Variants in SH3BGR observed in about 807,000 individuals in gnomAD.
The protein encoded by SH3BGR is SH3 domain binding glutamate rich protein, also known as SH3 domain-binding glutamic acid-rich protein.
SH3BGR carries 29 observed loss-of-function variants against 24.5 expected under a neutral mutation model. That is an observed-to-expected ratio of 1.18 (90% confidence interval 0.88 to 1.61). The LOEUF is 1.61. SH3BGR is among the 40% of genes most tolerant of loss of function. SH3BGR has a pLI of 0.00. For missense variants in SH3BGR, 162 were observed against 205.8 expected (o/e 0.79, Z 1.30); for synonymous variants, 55 against 65.7 (o/e 0.84, Z 0.79).
At chr21:39,473,928 CT>C (rs2077985446) in intron 2 of SH3BGR, among the ~76,000 whole-genome samples, 1 of 151,376 alleles carries the variant, frequency 6.6e-6, no homozygotes, top group South Asian at 2.1e-4. Flanking sequence ...ATACATAATA[CT>C]TTTTTCTCAA....
upstream of SH3BGR, among the ~76,000 whole-genome samples, chr21:39,447,993 T>A (rs1394502991): frequency 1.3e-5 from 2 of 152,178 alleles, no homozygotes; most frequent in Non-Finnish European, 2.9e-5. Context: ...TGAAGGCTCT[T>A]AGGGAGAATT....
upstream of SH3BGR, among the ~76,000 whole-genome samples, chr21:39,451,500 TTAAAAAA>T (rs1182197410): frequency 6.6e-6 from 1 of 152,222 alleles, no homozygotes; most frequent in Non-Finnish European, 1.5e-5. Context: ...GACAGTTTAC[TTAAAAAA>T]TTTTTTTTAA....
rs2077582451 is a variant in SH3BGR at position 39,452,040 on chromosome 21, AG to A, written c.-56del. ...CCTGTGTCACTGTCAGGATTTGTCT[AG>A]CGGCGCATTCCCTGACAGGGGTGTG... On this transcript the variant is annotated 5_prime_UTR_variant, in exon 1 of 7. Coordinates refer to ENST00000333634, the MANE Select transcript of SH3BGR (RefSeq NM_007341.3). 1 of 1,614,016 alleles carries A rather than the reference AG, an allele frequency of 6.2e-7. No individual in the cohort carries two copies. The highest frequency in any genetic ancestry group is 1.7e-5 in the Admixed American group (1 of 59,994).
At chr21:39,477,892 A>G (rs1171541552) in intron 3 of SH3BGR, among the ~76,000 whole-genome samples, 2 of 152,218 alleles carry the variant, frequency 1.3e-5, no homozygotes, top group Non-Finnish European at 1.5e-5. Context: ...AATAAAGTGT[A>G]TATTTACCAT....
chr21:39,462,247 T>C, intron 1 of SH3BGR, 128 bp from the exon 2 acceptor site: 1 of 648,598 alleles, frequency 1.5e-6, no homozygotes, highest in Non-Finnish European at 2.6e-6. Flanking sequence ...ATTCTATTAT[T>C]TTCCTTGTTT....
At chr21:39,505,295 G>T (rs1187405006) in intron 4 of SH3BGR, among the ~76,000 whole-genome samples, 1 of 152,184 alleles carries the variant, frequency 6.6e-6, no homozygotes, top group Non-Finnish European at 1.5e-5. Flanking sequence ...TGCCCCCACA[G>T]AGCTTATGTT....
chr21:39,453,271 CTCTA>C (rs2077604042), intron 1 of SH3BGR, among the ~76,000 whole-genome samples: 1 of 152,184 alleles, frequency 6.6e-6, no homozygotes, highest in South Asian at 2.1e-4. Flanking sequence ...TTTTAGTGAT[CTCTA>C]GAACAAATTA....
At chr21:39,504,057 T>G (rs1280740731) in intron 4 of SH3BGR, among the ~76,000 whole-genome samples, 3 of 152,258 alleles carry the variant, frequency 2.0e-5, no homozygotes, top group African/African-American at 7.2e-5. Flanking sequence ...TAGAAAATGC[T>G]GGAAACATTG....
intron 4 of SH3BGR, among the ~76,000 whole-genome samples, chr21:39,505,276 C>T (rs544605696): frequency 2.0e-5 from 3 of 152,272 alleles, no homozygotes; most frequent in South Asian, 4.1e-4. Flanking sequence ...GTGAAAATGA[C>T]AGAGTCACTG....
chr21:39,487,265 C>T (rs2078226987), intron 3 of SH3BGR, among the ~76,000 whole-genome samples: 1 of 152,136 alleles, frequency 6.6e-6, no homozygotes, highest in Admixed American at 6.5e-5. Flanking sequence ...ACCACAGCTT[C>T]CCTAGTAACT....
At chr21:39,492,829 G>A (rs1276836009) in intron 3 of SH3BGR, among the ~76,000 whole-genome samples, 2 of 151,934 alleles carry the variant, frequency 1.3e-5, no homozygotes, top group African/African-American at 4.8e-5. Context: ...CAGGAGTAAG[G>A]TGGTATCACA....
intron 2 of SH3BGR, among the ~76,000 whole-genome samples, chr21:39,473,866 C>T (rs1019963353): frequency 7.2e-6 from 1 of 138,116 alleles, no homozygotes; most frequent in African/African-American, 2.7e-5. Context: ...GCCTGGGAGA[C>T]ACAGTGAGAC....
At chr21:39,509,818 T>G (rs932956698) in intron 5 of SH3BGR, among the ~76,000 whole-genome samples, 6 of 152,086 alleles carry the variant, frequency 3.9e-5, no homozygotes, top group African/African-American at 1.2e-4. Flanking sequence ...CTTAAAATTA[T>G]GAACACAAGG....
upstream of SH3BGR, among the ~76,000 whole-genome samples, chr21:39,447,416 C>CATTTTTTTTTTTTTTTTT (rs1227234170): frequency 1.7e-5 from 2 of 114,710 alleles, no homozygotes; most frequent in African/African-American, 3.4e-5. Flanking sequence ...TTCGCTTTTG[C>CATTTTTTTTTTTTTTTTT]TTTTTTTTTT....
At chr21:39,474,221 C>T (rs559638129) in intron 2 of SH3BGR, among the ~76,000 whole-genome samples, 3 of 152,284 alleles carry the variant, frequency 2.0e-5, no homozygotes, top group Admixed American at 6.5e-5. Context: ...CCACCTTGGC[C>T]TCCCGAAGTG....
At chr21:39,465,661 G>T (rs1445969704) in intron 2 of SH3BGR, among the ~76,000 whole-genome samples, 5 of 152,118 alleles carry the variant, frequency 3.3e-5, no homozygotes, top group Admixed American at 6.6e-5. Context: ...CGCAATCATA[G>T]CTCACTGCAG....
At position 39,471,163 on chromosome 21, in the gene SH3BGR, G is replaced by A. The variant is rs189000581; in HGVS notation, c.232-3972G>A. 4.3e-3 allele frequency among the ~76,000 whole-genome samples: 625 copies of A among 146,810 alleles called. 6 individuals carry two copies. Among genetic ancestry groups the A allele is most frequent in the Middle Eastern group, 6.9e-3 (2 of 288 alleles). On this transcript the variant is annotated intron_variant, in intron 2 of 6. Transcript: ENST00000333634. ...TCGTCTTCTTCTTCCCCTCTCTCTG[G>A]TTGCTTTTAATAATATTTCTCTACG...
intron 6 of SH3BGR, among the ~76,000 whole-genome samples, chr21:39,512,326 G>A (rs890203573): frequency 6.6e-6 from 1 of 152,150 alleles, no homozygotes; most frequent in African/African-American, 2.4e-5. Flanking sequence ...TTAGTCGTCA[G>A]TGCTTGGTAC....
intron 4 of SH3BGR, among the ~76,000 whole-genome samples, chr21:39,507,420 G>C (rs565896302): frequency 5.5e-4 from 83 of 151,910 alleles, no homozygotes; most frequent in Non-Finnish European, 1.0e-3. Flanking sequence ...CGCAACCTCC[G>C]CCTCCTGGGT....
Sources: gnomAD v4.1 joint callset for allele counts (sites outside exome capture counted in the v4.1 genomes callset) on GRCh38, gnomAD v4.1.1 for gene constraint, MANE v1.5 for transcripts, NCBI Gene and HGNC (gene_info 2026-07-23, HGNC 2026-07-21) for gene names.